RANBP17: variants seen among roughly 807,000 people sequenced by gnomAD.
The protein encoded by RANBP17 is RAN binding protein 17, also known as ran-binding protein 17.
In RANBP17, 158 loss-of-function variants were observed where a neutral mutation model predicts 141.2. The ratio of observed to expected loss-of-function variants is 1.12; its 90% CI spans 0.98 to 1.28. The LOEUF is 1.28. RANBP17 is among the 50% of genes most tolerant of loss of function. The pLI, the probability that RANBP17 is intolerant of heterozygous loss-of-function variation, is 0.00. For missense variants in RANBP17, 1,438 were observed against 1,290.7 expected (o/e 1.11, Z -1.75); for synonymous variants, 430 against 450.0 (o/e 0.96, Z 0.56).
chr5:171,024,806 C>A (rs1231332751), intron 14 of RANBP17, among the ~76,000 whole-genome samples: 1 of 147,808 alleles, frequency 6.8e-6, no homozygotes, highest in Non-Finnish European at 1.5e-5. Context: ...TTTTTTTTTT[C>A]TTAAATAGCA....
At chr5:171,037,238 T>C (rs577083506) in intron 14 of RANBP17, among the ~76,000 whole-genome samples, 2 of 152,272 alleles carry the variant, frequency 1.3e-5, no homozygotes, top group East Asian at 3.9e-4. Flanking sequence ...GTTGGCTGCT[T>C]ATATGTCTTC....
intron 14 of RANBP17, among the ~76,000 whole-genome samples, chr5:170,984,840 A>G: frequency 6.6e-6 from 1 of 152,254 alleles, no homozygotes. Flanking sequence ...TAGTTTATTG[A>G]TAACAATTTT....
At chr5:170,962,895 A>C (rs942228872) in intron 13 of RANBP17, among the ~76,000 whole-genome samples, 3 of 152,194 alleles carry the variant, frequency 2.0e-5, no homozygotes, top group Non-Finnish European at 2.9e-5. Flanking sequence ...TGTTGGCAAT[A>C]CGTAGCAAGT....
chr5:171,096,807 G>A (rs542745921), intron 14 of RANBP17, among the ~76,000 whole-genome samples: 1 of 152,064 alleles, frequency 6.6e-6, no homozygotes, highest in South Asian at 2.1e-4. Context: ...GATCTGGTAT[G>A]TACTTTAAAG....
intron 18 of RANBP17, among the ~76,000 whole-genome samples, chr5:171,186,093 A>G (rs973741020): frequency 6.6e-6 from 1 of 152,212 alleles, no homozygotes; most frequent in African/African-American, 2.4e-5. Context: ...CAAAATGGCA[A>G]ATGGGCACTG....
chr5:171,102,774 A>C (rs2127745884), intron 14 of RANBP17, among the ~76,000 whole-genome samples: 1 of 150,506 alleles, frequency 6.6e-6, no homozygotes, highest in African/African-American at 2.4e-5. Context: ...CTTCGGATGG[A>C]GTTTTTGCTT....
At chr5:171,023,362 A>G (rs1438785075) in intron 14 of RANBP17, among the ~76,000 whole-genome samples, 1 of 152,146 alleles carries the variant, frequency 6.6e-6, no homozygotes, top group African/African-American at 2.4e-5. Flanking sequence ...TCTACATCAA[A>G]CCTGTCAAAA....
intron 18 of RANBP17, among the ~76,000 whole-genome samples, chr5:171,193,724 T>A (rs1336586364): frequency 6.6e-6 from 1 of 152,164 alleles, no homozygotes; most frequent in African/African-American, 2.4e-5. Flanking sequence ...GCCAAATCCT[T>A]CCCATGCTGC....
chr5:170,893,594 C>A (rs1347832842), intron 4 of RANBP17, among the ~76,000 whole-genome samples: 1 of 151,918 alleles, frequency 6.6e-6, no homozygotes, highest in Non-Finnish European at 1.5e-5. Flanking sequence ...GAGATCGAGA[C>A]CATCCTGGCT....
At chr5:171,257,445 C>A (rs1765972275) in intron 24 of RANBP17, among the ~76,000 whole-genome samples, 1 of 152,088 alleles carries the variant, frequency 6.6e-6, no homozygotes, top group Non-Finnish European at 1.5e-5. Context: ...AAACCCACAG[C>A]CAAAATCATA....
intron 14 of RANBP17, among the ~76,000 whole-genome samples, chr5:171,056,472 T>C (rs563062005): frequency 1.3e-5 from 2 of 152,320 alleles, no homozygotes; most frequent in East Asian, 3.9e-4. Context: ...CAATTATAAT[T>C]ATTACTGATA....
Position 170,996,344 on chromosome 5 carries a change from G to C in RANBP17, c.1710+27967G>C, listed in dbSNP as rs1184059623. ...AATGAGGAATGGAAAATTTTTTAATGGAAATTTGACTTGGAGTGATTGTCA... is the reference window on the plus strand; with the variant it reads ...AATGAGGAATGGAAAATTTTTTAATCGAAATTTGACTTGGAGTGATTGTCA... On this transcript the variant is annotated intron_variant, in intron 14 of 27. Transcript: ENST00000523189. 2.0e-5 allele frequency among the ~76,000 whole-genome samples: 3 copies of C among 152,122 alleles called. No homozygotes were observed. The South Asian group carries it at 6.2e-4, about 32-fold the overall frequency.
chr5:171,090,760 C>T (rs1786193982), intron 14 of RANBP17, among the ~76,000 whole-genome samples: 1 of 152,172 alleles, frequency 6.6e-6, no homozygotes, highest in Non-Finnish European at 1.5e-5. Flanking sequence ...TTAAAAGGGC[C>T]CAAGGTACAG....
At chr5:171,143,866 C>T (rs1757866640) in intron 14 of RANBP17, among the ~76,000 whole-genome samples, 1 of 152,140 alleles carries the variant, frequency 6.6e-6, no homozygotes, top group Non-Finnish European at 1.5e-5. Flanking sequence ...GATAATTATT[C>T]TCAGCTGAGG....
intron 18 of RANBP17, among the ~76,000 whole-genome samples, chr5:171,186,600 G>A (rs1308726008): frequency 9.8e-5 from 12 of 122,254 alleles, no homozygotes; most frequent in Non-Finnish European, 1.8e-4. Context: ...GCAGTGGTGC[G>A]ATCTCGGCTC....
Position 171,209,346 on chromosome 5 carries a change from C to T in RANBP17, c.2231+3734C>T, listed in dbSNP as rs1285682064. 2.0e-5 allele frequency among the ~76,000 whole-genome samples: 3 copies of T among 152,084 alleles called. No homozygotes were observed. In the East Asian group the frequency reaches 5.8e-4, roughly 29 times the overall value. ...AGTCTAAGGAATTTAGACCCTTATT[C>T]CATAGGTAGTATAAAGAAACTAATG... On this transcript the variant is annotated intron_variant, in intron 20 of 27. Coordinates refer to ENST00000523189, the MANE Select transcript of RANBP17 (RefSeq NM_022897.5).
intron 5 of RANBP17, among the ~76,000 whole-genome samples, chr5:170,900,053 C>T (rs1412681571): frequency 6.6e-6 from 1 of 152,136 alleles, no homozygotes; most frequent in African/African-American, 2.4e-5. Context: ...GGAGGAGTCT[C>T]TCTTTTTCTG....
chr5:171,068,638 G>A (rs1232604478), intron 14 of RANBP17, among the ~76,000 whole-genome samples: 5 of 152,116 alleles, frequency 3.3e-5, no homozygotes, highest in Non-Finnish European at 5.9e-5. Flanking sequence ...CCAGGTTGGA[G>A]TGCAGGGATG....
At chr5:171,280,877 G>T (rs570702371) in intron 25 of RANBP17, among the ~76,000 whole-genome samples, 1 of 152,304 alleles carries the variant, frequency 6.6e-6, no homozygotes, top group South Asian at 2.1e-4. Context: ...CTCCATATTT[G>T]TTGGGACTTT....
Sources: allele counts gnomAD v4.1 joint callset (sites outside exome capture counted in the v4.1 genomes callset), GRCh38; gene constraint gnomAD v4.1.1; transcripts MANE v1.5; gene names NCBI Gene and HGNC (gene_info 2026-07-23, HGNC 2026-07-21).